Variants in EHBP1 observed in about 807,000 individuals in gnomAD.
EHBP1 encodes the protein EH domain-binding protein 1.
EHBP1 carries 55 observed loss-of-function variants against 144.0 expected under a neutral mutation model. The observed-to-expected ratio is 0.38, with a 90% CI of 0.31 to 0.48. The LOEUF is 0.48. Among genes scored for constraint, EHBP1 ranks in the 20% least tolerant of loss-of-function variants. The probability of loss-of-function intolerance (pLI) is 0.98; values close to 1 mark genes in which losing one functional copy is unlikely to be tolerated. For missense variants in EHBP1, 1,200 were observed against 1,364.2 expected, an observed-to-expected ratio of 0.88 and a Z score of 1.90; for synonymous variants, 469 against 472.7, an observed-to-expected ratio of 0.99 and a Z score of 0.10.
chr2:62,755,761 C>CTATATATA (rs2040219792), intron 3 of EHBP1, among the ~76,000 whole-genome samples: 3 of 151,814 alleles, frequency 2.0e-5, no homozygotes, highest in African/African-American at 7.3e-5. Context: ...TGGGAAGGAC[C>CTATATATA]AATATAAGTT....
At position 62,788,789 on chromosome 2, in the gene EHBP1, A is replaced by G. The variant is rs367884075; in HGVS notation, c.312+17397A>G. ...TACACCTAATAGATCATACCATTCC[A>G]GTACCTTCATTACTAATTGCAGATG... On this transcript the variant is annotated intron_variant, in intron 5 of 22. Coordinates refer to ENST00000431489, the MANE Select transcript of EHBP1 (RefSeq NM_001142616.3). Among the ~76,000 whole-genome samples the G allele has an allele frequency of 3.3e-5, 5 of 152,336 alleles. No homozygotes were observed. In the South Asian group the frequency reaches 1.0e-3, roughly 32 times the overall value.
At chr2:62,688,101 G>C (rs1400346192) in intron 1 of EHBP1, among the ~76,000 whole-genome samples, 1 of 152,140 alleles carries the variant, frequency 6.6e-6, no homozygotes, top group East Asian at 1.9e-4. Flanking sequence ...TTTTAAAAAT[G>C]AATTATCTCT....
At chr2:63,000,073 C>T (rs1384023427) in intron 19 of EHBP1, among the ~76,000 whole-genome samples, 2 of 152,162 alleles carry the variant, frequency 1.3e-5, no homozygotes, top group Admixed American at 1.3e-4. Context: ...CCCTGTGATG[C>T]TGAAGCTACT....
chr2:62,789,318 G>A (rs923504217), intron 5 of EHBP1, among the ~76,000 whole-genome samples: 7 of 152,174 alleles, frequency 4.6e-5, no homozygotes, highest in African/African-American at 1.4e-4. Flanking sequence ...ATATTACAAA[G>A]TTGCTTCATC....
At chr2:62,997,427 C>CCTGT in intron 19 of EHBP1, among the ~76,000 whole-genome samples, 1 of 139,980 alleles carries the variant, frequency 7.1e-6, no homozygotes, top group South Asian at 2.4e-4. Flanking sequence ...GAAAGGAACT[C>CCTGT]ATGTGTGTGT....
chr2:62,927,753 T>A (rs377362842), intron 10 of EHBP1, among the ~76,000 whole-genome samples: 1 of 152,198 alleles, frequency 6.6e-6, no homozygotes, highest in Non-Finnish European at 1.5e-5. Flanking sequence ...CAACACAGTA[T>A]GTGAACTAGA....
intron 19 of EHBP1, among the ~76,000 whole-genome samples, chr2:63,008,624 T>C (rs551980186): frequency 6.7e-6 from 1 of 149,334 alleles, no homozygotes; most frequent in East Asian, 1.9e-4. Context: ...TTTTTTTTCT[T>C]TTTTTTTTTC....
chr2:62,898,099 C>G (rs2053091856), intron 10 of EHBP1, among the ~76,000 whole-genome samples: 1 of 152,122 alleles, frequency 6.6e-6, no homozygotes, highest in African/African-American at 2.4e-5. Flanking sequence ...ATGACCAGGT[C>G]ACACAGGGCC....
chr2:62,767,475 T>C (rs1404725455), intron 4 of EHBP1, among the ~76,000 whole-genome samples: 4 of 151,870 alleles, frequency 2.6e-5, no homozygotes, highest in Non-Finnish European at 5.9e-5. Flanking sequence ...AGGTGGGTGA[T>C]CGCTTGAGCC....
rs1436611998 is a variant in EHBP1, at chr2:63,020,826, G to A, written c.3104-16709G>A. On this transcript the variant is annotated intron_variant, in intron 19 of 22. Transcript: ENST00000431489. ...CCTGAGTAGCTGGGATTACAGACAC[G>A]TGCCACCATGCCCAGCTAATTTTTG... Among the ~76,000 whole-genome samples the A allele has an allele frequency of 2.6e-5, 4 of 151,720 alleles. No homozygotes were observed. In the East Asian group the frequency reaches 7.8e-4, roughly 30 times the overall value.
intron 10 of EHBP1, among the ~76,000 whole-genome samples, chr2:62,886,064 TCTTA>T (rs2051902786): frequency 6.6e-6 from 1 of 152,172 alleles, no homozygotes; most frequent in Non-Finnish European, 1.5e-5. Context: ...CTCACAGCAG[TCTTA>T]CTTATTGCTC....
In EHBP1 at chr2:62,892,484, A is replaced by C. The variant is rs1000065004; in HGVS notation, c.1185+17952A>C. Among the ~76,000 whole-genome samples the C allele has an allele frequency of 5.9e-5, 9 of 152,226 alleles. No individual in the cohort carries two copies. In the South Asian group the frequency reaches 1.9e-3, roughly 32 times the overall value. On this transcript the variant is annotated intron_variant, in intron 10 of 22. Coordinates refer to ENST00000431489, the MANE Select transcript of EHBP1 (RefSeq NM_001142616.3). Reference sequence around the variant, plus strand: ...TTTCACAGCTTCAGTTATTAAGTAGAGGTTGTCATTTGGCTTGACTTTAAT... The same window carrying C: ...TTTCACAGCTTCAGTTATTAAGTAGCGGTTGTCATTTGGCTTGACTTTAAT...
chr2:63,044,312 C>T (rs1418617809), intron 21 of EHBP1: 2 of 148,312 alleles, frequency 1.3e-5, no homozygotes, highest in Non-Finnish European at 3.0e-5. Context: ...CACTGCCCAT[C>T]GGGTTTTCCA....
intron 10 of EHBP1, among the ~76,000 whole-genome samples, chr2:62,904,778 TTTG>T (rs1434849577): frequency 1.3e-5 from 2 of 152,148 alleles, no homozygotes; most frequent in Non-Finnish European, 2.9e-5. Flanking sequence ...ACTTTTTGTT[TTTG>T]TTTTTTCTTT....
rs137927013 is a variant in EHBP1 at position 62,797,533 on chromosome 2, T to C, written c.312+26141T>C. Among the ~76,000 whole-genome samples the C allele has an allele frequency of 5.3e-5, 8 of 152,306 alleles. No individual in the cohort carries two copies. In the East Asian group the frequency reaches 1.3e-3, roughly 26 times the overall value. ...CTTTGCTACTGTGTTAATGAATAAA[T>C]AAAAATACGCCAATCAAGTGTACTG... On this transcript the variant is annotated intron_variant, in intron 5 of 22. Transcript: ENST00000431489.
intron 19 of EHBP1, among the ~76,000 whole-genome samples, chr2:63,030,446 T>G (rs549202067): frequency 1.6e-4 from 24 of 152,226 alleles, no homozygotes; most frequent in African/African-American, 5.3e-4. Flanking sequence ...AATCACATCT[T>G]AAAATACATT....
chr2:63,042,139 TTTAAA>T (rs2061685400), intron 21 of EHBP1, among the ~76,000 whole-genome samples: 1 of 152,184 alleles, frequency 6.6e-6, no homozygotes, highest in Non-Finnish European at 1.5e-5. Context: ...CACTGGAATC[TTTAAA>T]TTAATCAGAA....
At chr2:62,997,231 G>A (rs1413080142) in intron 19 of EHBP1, among the ~76,000 whole-genome samples, 2 of 151,858 alleles carry the variant, frequency 1.3e-5, no homozygotes, top group Admixed American at 1.3e-4. Context: ...TTTTTTTCAA[G>A]AGAACAGGTT....
At chr2:62,935,344 A>ATATATAT (rs1553479001) in intron 10 of EHBP1, among the ~76,000 whole-genome samples, 11 of 121,490 alleles carry the variant, frequency 9.1e-5, no homozygotes, top group Admixed American at 2.7e-4. Flanking sequence ...AAAAAAAAAA[A>ATATATAT]ATATATATAT....
Sources: allele counts gnomAD v4.1 joint callset (sites outside exome capture counted in the v4.1 genomes callset), GRCh38; gene constraint gnomAD v4.1.1; transcripts MANE v1.5; gene names NCBI Gene and HGNC (gene_info 2026-07-23, HGNC 2026-07-21).